Variants in FGF8 observed in about 807,000 individuals in gnomAD.
The protein encoded by FGF8 is fibroblast growth factor 8.
A neutral mutation model predicts 29.7 loss-of-function variants in FGF8; 12 were observed. The observed-to-expected ratio is 0.40, with a 90% CI of 0.26 to 0.65. The LOEUF (loss-of-function observed/expected upper bound fraction) is 0.65. Among genes scored for constraint, FGF8 ranks in the 30% least tolerant of loss-of-function variants. The pLI is 0.37. For missense variants in FGF8, 271 were observed against 345.1 expected (o/e 0.79, Z 1.70); for synonymous variants, 157 against 144.4 (o/e 1.09, Z -0.63).
chr10:101,775,284 A>C lies in FGF8; in HGVS notation c.70-68T>G. On this transcript the variant is annotated intron_variant, in intron 2 of 5. Transcript: ENST00000320185. This position sits in a 1 kb window ranked among gnomAD's most constrained non-coding sequence, Gnocchi z 4.6. Reference sequence around the variant, plus strand: ...CGACCCCTGACATTTATAAAGACAAATTTACGGAGCAAATGTTGAGAGTGC... The same window carrying C: ...CGACCCCTGACATTTATAAAGACAACTTTACGGAGCAAATGTTGAGAGTGC... 1.8e-6 allele frequency: 2 copies of C among 1,130,236 alleles called. No individual in the cohort carries two copies. Among genetic ancestry groups the C allele is most frequent in the Non-Finnish European group, 2.6e-6 (2 of 773,990 alleles). The allele number at this position is 1,130,236 out of a possible 1,614,324, so 70.0% of individuals were successfully genotyped here. A position where few individuals can be genotyped will look rare whatever the true frequency, so the allele number is the denominator to read the frequency against.
In FGF8 at chr10:101,775,671, C is replaced by T; in HGVS notation, c.69+69G>A. On this transcript the variant is annotated intron_variant, in intron 2 of 5. Transcript: ENST00000320185. The surrounding 1 kb of genome is among the most constrained non-coding windows in gnomAD (Gnocchi z 4.6). ...GCCGCAGAGTCAGTCCCGGTGCCCC[C>T]GACCGGCGCTGCCCACCCGGGTCTC... 2 of 1,514,514 alleles carry T rather than the reference C, an allele frequency of 1.3e-6. No individual in the cohort carries two copies. Among genetic ancestry groups the T allele is most frequent in the Middle Eastern group, 2.3e-4 (1 of 4,398 alleles). 93.8% of individuals were successfully genotyped at this position (1,514,514 alleles called of 1,614,324 possible). A position where few individuals can be genotyped will look rare whatever the true frequency, so the allele number is the denominator to read the frequency against.
upstream of FGF8, among the ~76,000 whole-genome samples, chr10:101,776,558 G>T (rs1386591256): frequency 6.6e-6 from 1 of 151,984 alleles, no homozygotes; most frequent in Non-Finnish European, 1.5e-5. Flanking sequence ...CTGGGTCTCC[G>T]CCTCCGGGCC....
chr10:101,770,224 T>C lies in FGF8; in HGVS notation c.*105A>G. On this transcript the variant is annotated 3_prime_UTR_variant, in exon 6 of 6. Coordinates refer to ENST00000320185, the MANE Select transcript of FGF8 (RefSeq NM_033163.5). ...CGGAACCCAGGGCTCCCCCAGCACC[T>C]CCCCAGCCTGCAGAGCAGCGCACAG... 1 of 1,013,684 alleles carries C rather than the reference T, an allele frequency of 9.9e-7. No homozygotes were observed. The highest frequency in any genetic ancestry group is 1.3e-6 in the Non-Finnish European group (1 of 750,940). The allele number at this position is 1,013,684 out of a possible 1,614,324, so 62.8% of individuals were successfully genotyped here.
rs1173838122 is a variant in FGF8 at position 101,775,725 on chromosome 10, C to T, written c.69+15G>A. 4 of 1,543,648 alleles carry T rather than the reference C, an allele frequency of 2.6e-6. No individual in the cohort carries two copies. Among genetic ancestry groups the T allele is most frequent in the African/African-American group, 2.8e-5 (2 of 72,662 alleles). ...CCGGCGCGCCCGGCCCCCGCCTCCG[C>T]GCACCCCTCCTCACCTGGGCTTGGA... On this transcript the variant is annotated intron_variant, in intron 2 of 5. Transcript: ENST00000320185. The surrounding 1 kb of genome is among the most constrained non-coding windows in gnomAD (Gnocchi z 4.6).
chr10:101,773,746 T>G (rs747733323), intron 4 of FGF8, among the ~76,000 whole-genome samples: 1 of 152,122 alleles, frequency 6.6e-6, no homozygotes, highest in East Asian at 1.9e-4. Context: ...AAGGTGAAAG[T>G]AAGAAGAGTT....
upstream of FGF8, among the ~76,000 whole-genome samples, chr10:101,778,052 A>G (rs962023698): frequency 3.3e-5 from 5 of 152,214 alleles, no homozygotes; most frequent in Non-Finnish European, 5.9e-5. Context: ...GTCACAATTC[A>G]TTGAGTGTCT....
intron 4 of FGF8, among the ~76,000 whole-genome samples, 178 bp downstream of exon 4, chr10:101,774,554 C>T (rs1005630194): frequency 6.6e-6 from 1 of 152,168 alleles, no homozygotes; most frequent in Admixed American, 6.5e-5. Flanking sequence ...GCACCTGTGG[C>T]CAAGTACTCC....
rs1235430981 is a variant in FGF8 at position 101,776,051 on chromosome 10, C to T, written c.-151G>A. 1.0e-5 allele frequency: 3 copies of T among 292,626 alleles called. No individual in the cohort carries two copies. Among genetic ancestry groups the T allele is most frequent in the Non-Finnish European group, 1.7e-5 (3 of 180,426 alleles). 18.1% of individuals were successfully genotyped at this position (292,626 alleles called of 1,614,324 possible). ...ACGCGGCTCCGCGGGTCCCGTGGAA[C>T]GTCGTGCTCGCCGCGCCGCACCGAA... On this transcript the variant is annotated 5_prime_UTR_variant, in exon 1 of 6. Transcript: ENST00000320185.
intron 4 of FGF8, 142 bp downstream of exon 4, chr10:101,774,590 T>C: frequency 1.4e-6 from 1 of 697,034 alleles, no homozygotes; most frequent in South Asian, 1.8e-5. Flanking sequence ...TAGCCCTCTC[T>C]TCCCCAGCTG....
rs2065035721 is a variant in FGF8 at position 101,772,164 on chromosome 10, G to C, written c.338-595C>G. ...TCTGCTGAGAAGGTGCTAGGGATGGGGACAGCTCTCCCTAAACACACAGCC... is the reference window on the plus strand; with the variant it reads ...TCTGCTGAGAAGGTGCTAGGGATGGCGACAGCTCTCCCTAAACACACAGCC... On this transcript the variant is annotated intron_variant, in intron 4 of 5. Transcript: ENST00000320185. This position sits in a 1 kb window ranked among gnomAD's most constrained non-coding sequence, Gnocchi z 4.4. Among the ~76,000 whole-genome samples the C allele has an allele frequency of 6.6e-6, 1 of 152,178 alleles. No individual in the cohort carries two copies. Among genetic ancestry groups the C allele is most frequent in the African/African-American group, 2.4e-5 (1 of 41,438 alleles).
At chr10:101,770,697 G>T in intron 5 of FGF8, 78 bp from the exon 6 acceptor site, 2 of 1,522,534 alleles carry the variant, frequency 1.3e-6, no homozygotes, top group South Asian at 2.3e-5. Flanking sequence ...CAGACAGCAG[G>T]TGGGCACCCC....
chr10:101,773,176 CCT>C (rs2065046241), intron 4 of FGF8, among the ~76,000 whole-genome samples: 1 of 152,192 alleles, frequency 6.6e-6, no homozygotes, highest in Non-Finnish European at 1.5e-5. Flanking sequence ...AGGCGGGAAA[CCT>C]CTTATATGGC....
At chr10:101,778,312 C>T (rs1010040458), upstream of FGF8, among the ~76,000 whole-genome samples, 4 of 152,164 alleles carry the variant, frequency 2.6e-5, no homozygotes, top group African/African-American at 4.8e-5. Context: ...GAGGGTGACC[C>T]GCCCATCCAA....
At chr10:101,776,392 G>T (rs1211629499), upstream of FGF8, among the ~76,000 whole-genome samples, 2 of 151,000 alleles carry the variant, frequency 1.3e-5, no homozygotes, top group Non-Finnish European at 3.0e-5. Context: ...GGGGCGGCCG[G>T]TCTGGGCGCC....
upstream of FGF8, among the ~76,000 whole-genome samples, chr10:101,776,854 C>CCA (rs71016347): frequency 0.18 from 21,990 of 123,684 alleles, 1,938 homozygotes; most frequent in East Asian, 0.41. Context: ...GTGCCCCTCA[C>CCA]CACACACACA....
In FGF8 at chr10:101,770,305, A is replaced by G; in HGVS notation, c.*24T>C. 2 of 1,572,310 alleles carry G rather than the reference A, an allele frequency of 1.3e-6. No homozygotes were observed. Among genetic ancestry groups the G allele is most frequent in the Non-Finnish European group, 1.7e-6 (2 of 1,158,910 alleles). On this transcript the variant is annotated 3_prime_UTR_variant, in exon 6 of 6. Transcript: ENST00000320185. ...AGGATGAGCCTCTCTGCGGTCTGGC[A>G]TTGTGGGGAGGGCCAGGCAGCACCT...
chr10:101,777,940 C>T (rs1315997096), upstream of FGF8, among the ~76,000 whole-genome samples: 1 of 152,210 alleles, frequency 6.6e-6, no homozygotes, highest in Non-Finnish European at 1.5e-5. Flanking sequence ...CCTCTAAAGC[C>T]CATGGGGAGG....
intron 4 of FGF8, among the ~76,000 whole-genome samples, chr10:101,773,732 A>T (rs556215078): frequency 2.8e-4 from 43 of 152,296 alleles, no homozygotes; most frequent in African/African-American, 1.0e-3. Flanking sequence ...AGGAAATGTT[A>T]AAAAAGGTGA....
In FGF8 at chr10:101,775,954, C is replaced by T. The variant is rs924812178; in HGVS notation, c.-54G>A. ...CGGCGGGTCACGCCGTCCCGCGGGC[C>T]GCCGCGGGAGGACGCGCTGAGCAGG... On this transcript the variant is annotated 5_prime_UTR_variant, in exon 1 of 6. Transcript: ENST00000320185. The surrounding 1 kb of genome is among the most constrained non-coding windows in gnomAD (Gnocchi z 4.6). 1.9e-5 allele frequency: 22 copies of T among 1,140,720 alleles called. No homozygotes were observed. In the Admixed American group the frequency reaches 3.3e-4, roughly 17 times the overall value. 70.7% of individuals were successfully genotyped at this position (1,140,720 alleles called of 1,614,324 possible).
Sources: allele counts gnomAD v4.1 joint callset (sites outside exome capture counted in the v4.1 genomes callset), GRCh38; gene constraint gnomAD v4.1.1; non-coding constraint Gnocchi (gnomAD v3.1); transcripts MANE v1.5; gene names NCBI Gene and HGNC (gene_info 2026-07-23, HGNC 2026-07-21).